Variants in KCNH7 observed in about 807,000 individuals in gnomAD.
KCNH7 encodes the protein voltage-gated inwardly rectifying potassium channel KCNH7.
In KCNH7, 49 loss-of-function variants were observed where a neutral mutation model predicts 120.8. That is an observed-to-expected ratio of 0.41 (90% CI 0.32 to 0.51). The LOEUF is 0.51. Ranked by LOEUF, KCNH7 falls within the 20% of genes least tolerant of loss-of-function variation. KCNH7 has a pLI of 0.38. For synonymous variants in KCNH7, 547 were observed against 516.1 expected (o/e 1.06, Z -0.81); for missense variants, 1,097 against 1,446.6 (o/e 0.76, Z 3.92).
chr2:162,612,726 T>C (rs1683011428), intron 2 of KCNH7, among the ~76,000 whole-genome samples: 1 of 152,128 alleles, frequency 6.6e-6, no homozygotes, highest in South Asian at 2.1e-4. Flanking sequence ...GAGTATATAA[T>C]ATACATACAT....
intron 2 of KCNH7, among the ~76,000 whole-genome samples, chr2:162,702,212 T>C (rs895261172): frequency 6.6e-6 from 1 of 152,262 alleles, no homozygotes; most frequent in Middle Eastern, 3.4e-3. Flanking sequence ...GTATTATCAT[T>C]GTTACTGATA....
chr2:162,837,985 C>T (rs147676729), intron 1 of KCNH7, among the ~76,000 whole-genome samples: 1 of 152,158 alleles, frequency 6.6e-6, no homozygotes, highest in South Asian at 2.1e-4. Flanking sequence ...CGTGTCATAC[C>T]ACTGCTTTGC....
intron 2 of KCNH7, among the ~76,000 whole-genome samples, chr2:162,558,348 G>C (rs1303445461): frequency 1.3e-5 from 2 of 151,848 alleles, no homozygotes; most frequent in African/African-American, 4.8e-5. Context: ...CTAATTTTTT[G>C]TATTTTTGGT....
chr2:162,667,042 C>A (rs1192424073), intron 2 of KCNH7, among the ~76,000 whole-genome samples: 6 of 125,296 alleles, frequency 4.8e-5, no homozygotes, highest in African/African-American at 1.8e-4. Flanking sequence ...TTTTTGGAGT[C>A]ATGATCTCAC....
At chr2:162,559,452 T>C (rs993035615) in intron 2 of KCNH7, among the ~76,000 whole-genome samples, 4 of 152,244 alleles carry the variant, frequency 2.6e-5, no homozygotes, top group African/African-American at 9.6e-5. Context: ...CCTCAAGGTC[T>C]ACTATTAATC....
chr2:162,434,909 A>G (rs1289120291), intron 8 of KCNH7, among the ~76,000 whole-genome samples: 1 of 152,056 alleles, frequency 6.6e-6, no homozygotes, highest in African/African-American at 2.4e-5. Flanking sequence ...TTGGTAATAA[A>G]TTACAGATAC....
intron 2 of KCNH7, among the ~76,000 whole-genome samples, chr2:162,543,128 A>C (rs1229521910): frequency 2.0e-5 from 3 of 152,112 alleles, no homozygotes; most frequent in African/African-American, 7.2e-5. Context: ...AGCCTACTGA[A>C]AACAAAAAGG....
At chr2:162,534,557 T>C (rs927305901) in intron 3 of KCNH7, among the ~76,000 whole-genome samples, 8 of 151,750 alleles carry the variant, frequency 5.3e-5, no homozygotes, top group Admixed American at 2.6e-4. Context: ...CTAGTTAAGA[T>C]TGATAATTTG....
At chr2:162,391,717 C>T (rs1194985575) in intron 12 of KCNH7, among the ~76,000 whole-genome samples, 1 of 151,982 alleles carries the variant, frequency 6.6e-6, no homozygotes, top group Non-Finnish European at 1.5e-5. Flanking sequence ...GATAATTTAG[C>T]TTAAGAATGA....
chr2:162,714,920 T>C (rs1190366500), intron 2 of KCNH7, among the ~76,000 whole-genome samples: 3 of 152,196 alleles, frequency 2.0e-5, no homozygotes, highest in African/African-American at 7.2e-5. Flanking sequence ...CAAACTTTGC[T>C]GACCTCTGTC....
intron 6 of KCNH7, among the ~76,000 whole-genome samples, chr2:162,467,807 G>A (rs1281293389): frequency 6.6e-6 from 1 of 152,160 alleles, no homozygotes; most frequent in Non-Finnish European, 1.5e-5. Flanking sequence ...ATTTCTCACA[G>A]TTGTGGAATC....
At chr2:162,564,866 GAA>G (rs753247384) in intron 2 of KCNH7, among the ~76,000 whole-genome samples, 32 of 152,142 alleles carry the variant, frequency 2.1e-4, no homozygotes, top group Non-Finnish European at 3.8e-4. Context: ...CATGAACTTG[GAA>G]AATCATAATT....
intron 2 of KCNH7, among the ~76,000 whole-genome samples, chr2:162,726,590 T>A (rs950059971): frequency 2.6e-5 from 4 of 152,088 alleles, no homozygotes; most frequent in African/African-American, 9.7e-5. Flanking sequence ...CAGCTAATTT[T>A]TGTATTTTTA....
At chr2:162,738,276 C>G (rs1687993671) in intron 2 of KCNH7, among the ~76,000 whole-genome samples, 1 of 152,066 alleles carries the variant, frequency 6.6e-6, no homozygotes. Context: ...TTACTCCTTG[C>G]ATGCAAAGAC....
chr2:162,440,540 C>T (rs1172036620), intron 7 of KCNH7, among the ~76,000 whole-genome samples: 1 of 152,004 alleles, frequency 6.6e-6, no homozygotes, highest in Admixed American at 6.6e-5. Context: ...CTTTGTTCAG[C>T]TTAACCACAT....
At chr2:162,681,169 G>C (rs1339672674) in intron 2 of KCNH7, among the ~76,000 whole-genome samples, 1 of 151,688 alleles carries the variant, frequency 6.6e-6, no homozygotes, top group Non-Finnish European at 1.5e-5. Flanking sequence ...TAAATAAAGT[G>C]ATAGTTAAGT....
At chr2:162,807,644 T>C (rs1684596630) in intron 2 of KCNH7, among the ~76,000 whole-genome samples, 1 of 152,104 alleles carries the variant, frequency 6.6e-6, no homozygotes, top group Non-Finnish European at 1.5e-5. Context: ...GCCTTGAAAC[T>C]ACATACTATT....
intron 15 of KCNH7, among the ~76,000 whole-genome samples, chr2:162,373,198 C>G (rs1013409063): frequency 6.6e-6 from 1 of 151,966 alleles, no homozygotes; most frequent in Non-Finnish European, 1.5e-5. Flanking sequence ...CAGGTTGATT[C>G]TGGAAGAAAG....
chr2:162,786,985 G>A (rs893078446), intron 2 of KCNH7, among the ~76,000 whole-genome samples: 3 of 152,314 alleles, frequency 2.0e-5, no homozygotes, highest in African/African-American at 7.2e-5. Context: ...AACCTTCCCC[G>A]AAAACCATGC....
Sources: gnomAD v4.1 joint callset for allele counts (sites outside exome capture counted in the v4.1 genomes callset) on GRCh38, gnomAD v4.1.1 for gene constraint, MANE v1.5 for transcripts, NCBI Gene and HGNC (gene_info 2026-07-23, HGNC 2026-07-21) for gene names.